Variants in SAMD11 observed in about 807,000 individuals in gnomAD.
The protein encoded by SAMD11 is sterile alpha motif domain-containing protein 11.
A neutral mutation model predicts 64.4 loss-of-function variants in SAMD11; 77 were observed. That is an observed-to-expected ratio of 1.20 (90% confidence interval 0.99 to 1.44). The LOEUF is 1.44. SAMD11 is among the 40% of genes most tolerant of loss of function. SAMD11 has a pLI of 0.00. For synonymous variants in SAMD11, 658 were observed against 421.9 expected (o/e 1.56, Z -6.86); for missense variants, 1,402 against 943.3 (o/e 1.49, Z -6.37).
chr1:938,930 C>A, intron 5 of SAMD11, 110 bp from the exon 6 acceptor site: 2 of 977,648 alleles, frequency 2.0e-6, no homozygotes, highest in Non-Finnish European at 3.2e-6. Context: ...CTCACCAGGA[C>A]CAAGGGCCCC....
At chr1:939,231 G>C in intron 6 of SAMD11, 44 bp from the exon 7 acceptor site, 1 of 1,558,420 alleles carries the variant, frequency 6.4e-7, no homozygotes, top group Non-Finnish European at 8.7e-7. Context: ...CGTGGTCCTC[G>C]GCAGTGCCTG....
In SAMD11 at chr1:944,278, A is replaced by G; in HGVS notation, c.*125A>G. 2 of 1,436,842 alleles carry G rather than the reference A, an allele frequency of 1.4e-6. No individual in the cohort carries two copies. The highest frequency in any genetic ancestry group is 1.7e-5 in the South Asian group (1 of 59,912). The allele number at this position is 1,436,842 out of a possible 1,614,324, so 89.0% of individuals were successfully genotyped here. A position where few individuals can be genotyped will look rare whatever the true frequency, so the allele number is the denominator to read the frequency against. On this transcript the variant is annotated 3_prime_UTR_variant, in exon 14 of 14. Coordinates refer to ENST00000616016, the MANE Select transcript of SAMD11 (RefSeq NM_001385641.1). ...GCAAAACAAAAAATTTTAAAAGAAAATGTGACTTCAAAGGAAAGGAACAAA... is the reference window on the plus strand; with the variant it reads ...GCAAAACAAAAAATTTTAAAAGAAAGTGTGACTTCAAAGGAAAGGAACAAA...
At position 943,285 on chromosome 1, in the gene SAMD11, G is replaced by T; in HGVS notation, c.2086G>T (p.Glu696Ter). ...AGGGGGACTCTCCATGGATGGGGAG[G>T]AGGCCCCAGCCCCTGAGGACGTCAC... ...AVGGLSMDGE[E>*]APAPEDVTKW... Residue 696 changes from glutamate to a stop codon, truncating the protein, a stop_gained, in exon 12 of 14, where the codon GAG (glutamate) becomes TAG (stop). Transcript: ENST00000616016. LOFTEE classifies it high-confidence loss of function. The T allele has an allele frequency of 6.2e-7, 1 of 1,612,698 alleles. No individual in the cohort carries two copies. Among genetic ancestry groups the T allele is most frequent in the East Asian group, 2.2e-5 (1 of 44,824 alleles).
In SAMD11 at chr1:943,686, T is replaced by TCCCC. The variant is rs539654690; in HGVS notation, c.2179-10_2179-7dup. The TCCCC allele has an allele frequency of 8.7e-6, 9 of 1,037,336 alleles. No individual in the cohort carries two copies. Among genetic ancestry groups the TCCCC allele is most frequent in the Admixed American group, 4.3e-5 (2 of 46,834 alleles). The allele number at this position is 1,037,336 out of a possible 1,614,324, so 64.3% of individuals were successfully genotyped here. A position where few individuals can be genotyped will look rare whatever the true frequency, so the allele number is the denominator to read the frequency against. On this transcript the variant is annotated splice_polypyrimidine_tract_variant and intron_variant, in intron 12 of 13. Coordinates refer to ENST00000616016, the MANE Select transcript of SAMD11 (RefSeq NM_001385641.1). ...CACCCGGGTCCTGACCCTCCCTCCC[T>TCCCC]CCCCCTTCCAGGTCTTCAGGGAGCA...
Position 944,092 on chromosome 1 carries a change from A to G in SAMD11, c.2474A>G (p.Gln825Arg), listed in dbSNP as rs1275342942. Reference sequence around the variant, plus strand: ...CTTGCCGGTCAAACTTCACCCAAGCAGGAGAATGGGACCTTGGCTCTACTT... The same window carrying G: ...CTTGCCGGTCAAACTTCACCCAAGCGGGAGAATGGGACCTTGGCTCTACTT... ...HALAGQTSPK[Q>R]ENGTLALLPG... The change falls in exon 14 of 14, where the codon CAG becomes CGG. Residue 825 changes from glutamine to arginine, a missense_variant. By Grantham distance (43) the Gln-to-Arg change is conservative (BLOSUM62 1). Transcript: ENST00000616016. 2 of 1,612,252 alleles carry G rather than the reference A, an allele frequency of 1.2e-6. No individual in the cohort carries two copies. The highest frequency in any genetic ancestry group is 1.7e-6 in the Non-Finnish European group (2 of 1,179,752).
Position 944,430 on chromosome 1 carries a change from G to T in SAMD11, c.*277G>T, listed in dbSNP as rs939422702. ...TCCCCCTGGAACTGGGACTGGTCTC[G>T]GTCTGCTGACGTCAGGGTCAGCTCC... is the stretch of plus-strand genomic sequence containing the variant. On this transcript the variant is annotated 3_prime_UTR_variant, in exon 14 of 14. Transcript: ENST00000616016. 100 of 1,057,082 alleles carry T rather than the reference G, an allele frequency of 9.5e-5. No homozygotes were observed. The Middle Eastern group carries it at 1.6e-3, about 17-fold the overall frequency. 65.5% of individuals were successfully genotyped at this position (1,057,082 alleles called of 1,614,324 possible).
chr1:931,967 C>T (rs546460295), intron 4 of SAMD11, among the ~76,000 whole-genome samples: 1 of 152,276 alleles, frequency 6.6e-6, no homozygotes, highest in African/African-American at 2.4e-5. Flanking sequence ...AGGAAGGAGG[C>T]GTCTGCCACA....
chr1:943,579 C>A, intron 12 of SAMD11, 119 bp from the exon 13 acceptor site: 2 of 1,093,636 alleles, frequency 1.8e-6, no homozygotes, highest in Non-Finnish European at 2.5e-6. Context: ...CACTCAAACC[C>A]AACAGATCAC....
At position 935,724 on chromosome 1, in the gene SAMD11, G is replaced by T. The variant is rs748015663; in HGVS notation, c.843-48G>T. The stretch of plus-strand genomic sequence containing the variant: ...CTCCCTGTGCCCAGGCTGGGCTCCA[G>T]CCTCGCAGCTGCCCACGGGGTCAGC... On this transcript the variant is annotated intron_variant, in intron 4 of 13. Transcript: ENST00000616016. 109 of 1,610,342 alleles carry T rather than the reference G, an allele frequency of 6.8e-5. 1 individual carries two copies. The South Asian group carries it at 9.1e-4, about 13-fold the overall frequency.
chr1:941,088 C>T (rs922203247), intron 7 of SAMD11, 56 bp from the exon 8 acceptor site: 4 of 1,479,186 alleles, frequency 2.7e-6, no homozygotes, highest in Non-Finnish European at 3.7e-6. Flanking sequence ...AGGACGCGGG[C>T]TGGGGAGGAT....
At chr1:930,879 T>C (rs1641134918) in intron 3 of SAMD11, among the ~76,000 whole-genome samples, 160 bp from the exon 4 acceptor site, 1 of 152,236 alleles carries the variant, frequency 6.6e-6, no homozygotes, top group African/African-American at 2.4e-5. Flanking sequence ...GTTGAGCCAG[T>C]AGCAGGTGGT....
At chr1:932,098 T>TA (rs1476319444) in intron 4 of SAMD11, among the ~76,000 whole-genome samples, 1 of 152,244 alleles carries the variant, frequency 6.6e-6, no homozygotes, top group Non-Finnish European at 1.5e-5. Flanking sequence ...CGAATTACAA[T>TA]AAAAACATCT....
At chr1:937,407 C>A (rs142506793) in intron 5 of SAMD11, among the ~76,000 whole-genome samples, 189 of 104,074 alleles carry the variant, frequency 1.8e-3, no homozygotes, top group Non-Finnish European at 2.9e-3. Flanking sequence ...CCCCCCCCCC[C>A]ACCCAGTCAC....
At chr1:935,157 G>T (rs1300783010) in intron 4 of SAMD11, among the ~76,000 whole-genome samples, 1 of 152,144 alleles carries the variant, frequency 6.6e-6, no homozygotes, top group Non-Finnish European at 1.5e-5. Context: ...GGGAAGAAAA[G>T]AGTTAAATGC....
intron 7 of SAMD11, chr1:940,504 G>A (rs997596483): frequency 6.6e-6 from 1 of 152,258 alleles, no homozygotes; most frequent in East Asian, 1.9e-4. Context: ...AGCTGGCGGA[G>A]CCTGCATAGT....
chr1:941,317 G>A lies in SAMD11; in HGVS notation c.1358+11G>A. On this transcript the variant is annotated intron_variant, in intron 8 of 13. Coordinates refer to ENST00000616016, the MANE Select transcript of SAMD11 (RefSeq NM_001385641.1). ...GTCCTTCTCGGAGAGGTACTGGGGT[G>A]GCTGCCGTTCTCTGCTTGTTTCTGG... 3 of 1,548,262 alleles carry A rather than the reference G, an allele frequency of 1.9e-6. No individual in the cohort carries two copies. The highest frequency in any genetic ancestry group is 2.6e-6 in the Non-Finnish European group (3 of 1,148,022).
Position 941,137 on chromosome 1 carries a change from C to T in SAMD11, c.1196-7C>T, listed in dbSNP as rs1163639434. On this transcript the variant is annotated splice_polypyrimidine_tract_variant and splice_region_variant and intron_variant, in intron 7 of 13. Transcript: ENST00000616016. Reference sequence around the variant, plus strand: ...CGGGGGGATCACTGCTGTTGTCCCCCACCCAGATCTCCTGAGGGTCCGGCA... The same window carrying T: ...CGGGGGGATCACTGCTGTTGTCCCCTACCCAGATCTCCTGAGGGTCCGGCA... 2 of 1,593,548 alleles carry T rather than the reference C, an allele frequency of 1.3e-6. No homozygotes were observed. The highest frequency in any genetic ancestry group is 1.7e-6 in the Non-Finnish European group (2 of 1,171,052).
At chr1:927,285 G>A (rs1640940376) in intron 2 of SAMD11, among the ~76,000 whole-genome samples, 1 of 152,206 alleles carries the variant, frequency 6.6e-6, no homozygotes, top group Non-Finnish European at 1.5e-5. Flanking sequence ...CCTCTGGGCA[G>A]CCCGCTGCCT....
In SAMD11 at chr1:943,744, C is replaced by T. The variant is rs1225201494; in HGVS notation, c.2225C>T (p.Thr742Met). 5.0e-6 allele frequency: 8 copies of T among 1,608,376 alleles called. No individual in the cohort carries two copies. The highest frequency in any genetic ancestry group is 6.8e-6 in the Non-Finnish European group (8 of 1,177,380). ...GACGGGGAGACCCTGCCACTGCTGA[C>T]GGAGGAGCACCTGCTGACCAACATG... Reference protein sequence around the residue: ...GIDGETLPLLTEEHLLTNMGL... With the variant: ...GIDGETLPLLMEEHLLTNMGL... Residue 742 changes from threonine to methionine, a missense_variant, in exon 13 of 14, where the codon ACG becomes ATG. Physicochemically the swap from Thr to Met is moderately conservative, Grantham distance 81. Coordinates refer to ENST00000616016, the MANE Select transcript of SAMD11 (RefSeq NM_001385641.1).
Sources: allele counts gnomAD v4.1 joint callset (sites outside exome capture counted in the v4.1 genomes callset), GRCh38; gene constraint gnomAD v4.1.1; transcripts MANE v1.5; gene names NCBI Gene and HGNC (gene_info 2026-07-23, HGNC 2026-07-21).